The following B3GALT1 variants were observed in gnomAD, a reference collection of about 807,000 sequenced individuals.
B3GALT1 encodes the protein beta-1,3-galactosyltransferase 1.
In B3GALT1, 10 loss-of-function variants were observed where a neutral mutation model predicts 23.2. The observed-to-expected ratio is 0.43, with a 90% confidence interval of 0.27 to 0.73. The LOEUF (loss-of-function observed/expected upper bound fraction) is 0.73, where lower values mean the gene tolerates loss of function less well. B3GALT1 is among the 30% of genes least tolerant of loss of function. The pLI is 0.21. For synonymous variants in B3GALT1, 156 were observed against 141.5 expected (o/e 1.10, Z -0.73); for missense variants, 299 against 405.4 (o/e 0.74, Z 2.25).
At chr2:167,304,640 CAGAG>C (rs953111641) in intron 1 of B3GALT1, among the ~76,000 whole-genome samples, 7 of 151,106 alleles carry the variant, frequency 4.6e-5, no homozygotes, top group South Asian at 2.1e-4. Flanking sequence ...AAAAGAGAGA[CAGAG>C]AGAGGAGAGA....
chr2:167,595,344 G>GTGCTGTCTC (rs1160243395), intron 2 of B3GALT1, among the ~76,000 whole-genome samples: 1 of 152,148 alleles, frequency 6.6e-6, no homozygotes, highest in East Asian at 1.9e-4. Context: ...CCCATATCAT[G>GTGCTGTCTC]TGCTGTCTCA....
At chr2:167,477,510 T>A (rs1699504119) in intron 1 of B3GALT1, among the ~76,000 whole-genome samples, 1 of 152,208 alleles carries the variant, frequency 6.6e-6, no homozygotes, top group Non-Finnish European at 1.5e-5. Context: ...TACAGTACGA[T>A]CCTATAATAA....
At chr2:167,720,817 AG>A (rs1687219663) in intron 3 of B3GALT1, among the ~76,000 whole-genome samples, 1 of 152,154 alleles carries the variant, frequency 6.6e-6, no homozygotes, top group African/African-American at 2.4e-5. Context: ...TTGTTTACTG[AG>A]GATATTACAT....
intron 1 of B3GALT1, among the ~76,000 whole-genome samples, chr2:167,378,921 G>T (rs1220442345): frequency 6.6e-6 from 1 of 152,130 alleles, no homozygotes; most frequent in African/African-American, 2.4e-5. Context: ...ACTTGCACTG[G>T]TTCCTTTTCA....
chr2:167,843,855 A>C lies in B3GALT1; in HGVS notation c.-229-24956A>C, dbSNP rs1337200951. Among the ~76,000 whole-genome samples the C allele has an allele frequency of 1.1e-4, 17 of 152,344 alleles. No individual in the cohort carries two copies. The East Asian group carries it at 3.3e-3, about 29-fold the overall frequency. The stretch of plus-strand genomic sequence containing the variant: ...TCAGTGGCACTATGAGTATGATCTG[A>C]GGACTCCAGACAGCAGATCATTGTT... On this transcript the variant is annotated intron_variant, in intron 4 of 4. Coordinates refer to ENST00000392690, the MANE Select transcript of B3GALT1 (RefSeq NM_020981.4).
At chr2:167,649,572 T>C (rs73015471) in intron 3 of B3GALT1, among the ~76,000 whole-genome samples, 11,921 of 152,174 alleles carry the variant, frequency 0.078, 1,628 homozygotes, top group African/African-American at 0.27. Flanking sequence ...GTGTCTGGAC[T>C]CTTTTACTTA....
At chr2:167,569,986 A>C (rs1336194678) in intron 2 of B3GALT1, among the ~76,000 whole-genome samples, 1 of 151,836 alleles carries the variant, frequency 6.6e-6, no homozygotes, top group Non-Finnish European at 1.5e-5. Context: ...AGGTTTTTGA[A>C]TTTTGAACCA....
intron 2 of B3GALT1, among the ~76,000 whole-genome samples, chr2:167,505,921 G>A (rs1414715977): frequency 1.5e-4 from 23 of 151,956 alleles, no homozygotes; most frequent in East Asian, 3.9e-4. Context: ...TTAGCTGGGC[G>A]TGGTGGCGGG....
At position 167,872,777 on chromosome 2, in the gene B3GALT1, G is replaced by A. The variant is rs540116622; in HGVS notation, c.*2757G>A. The A allele has an allele frequency of 6.6e-6, 1 of 152,162 alleles. No individual in the cohort carries two copies. The highest frequency in any genetic ancestry group is 1.5e-5 in the Non-Finnish European group (1 of 68,034). 9.4% of individuals were successfully genotyped at this position (152,162 alleles called of 1,614,324 possible). A position where few individuals can be genotyped will look rare whatever the true frequency, so the allele number is the denominator to read the frequency against. On this transcript the variant is annotated 3_prime_UTR_variant, in exon 5 of 5. Coordinates refer to ENST00000392690, the MANE Select transcript of B3GALT1 (RefSeq NM_020981.4). ...CTATTTCCTTACTTTTTTATGCTAG[G>A]TAATGCCCATGTGACAAACATGTAA...
intron 1 of B3GALT1, among the ~76,000 whole-genome samples, chr2:167,372,860 G>C (rs1479500952): frequency 6.6e-6 from 1 of 152,050 alleles, no homozygotes; most frequent in Non-Finnish European, 1.5e-5. Context: ...CATGTCTGTG[G>C]ATTAGAAGAC....
At position 167,701,317 on chromosome 2, in the gene B3GALT1, G is replaced by T. The variant is rs1282567858; in HGVS notation, c.-352+54351G>T. ...CACCAGATATGGTGAGGGGGAGTGA[G>T]TTCCTGGGGAAGAGTCTTGGTGCTA... On this transcript the variant is annotated intron_variant, in intron 3 of 4. Coordinates refer to ENST00000392690, the MANE Select transcript of B3GALT1 (RefSeq NM_020981.4). Among the ~76,000 whole-genome samples, 23 of 152,044 alleles carry T rather than the reference G, an allele frequency of 1.5e-4. 1 individual carries two copies. Among genetic ancestry groups the T allele is most frequent in the Admixed American group, 1.5e-3 (23 of 15,272 alleles).
At chr2:167,694,964 C>A (rs2105504641) in intron 3 of B3GALT1, among the ~76,000 whole-genome samples, 1 of 152,228 alleles carries the variant, frequency 6.6e-6, no homozygotes, top group East Asian at 1.9e-4. Flanking sequence ...TTAAGTATTA[C>A]CCAACACCTC....
intron 1 of B3GALT1, among the ~76,000 whole-genome samples, chr2:167,486,722 T>A (rs991300968): frequency 3.3e-5 from 5 of 151,978 alleles, no homozygotes; most frequent in African/African-American, 7.2e-5. Context: ...ATTAAAAAAA[T>A]TTAAAACAAG....
chr2:167,615,452 A>G (rs1176193786), intron 2 of B3GALT1, among the ~76,000 whole-genome samples: 1 of 152,024 alleles, frequency 6.6e-6, no homozygotes, highest in Non-Finnish European at 1.5e-5. Context: ...AGTTAGGACA[A>G]GTAAGTTTAG....
intron 2 of B3GALT1, among the ~76,000 whole-genome samples, chr2:167,624,842 A>G (rs1291760159): frequency 6.6e-6 from 1 of 152,048 alleles, no homozygotes; most frequent in African/African-American, 2.4e-5. Flanking sequence ...AGCATCCAGT[A>G]TTTATAACTA....
intron 1 of B3GALT1, among the ~76,000 whole-genome samples, chr2:167,366,825 A>G (rs1481772090): frequency 6.6e-6 from 1 of 152,126 alleles, no homozygotes; most frequent in African/African-American, 2.4e-5. Context: ...GCTATCAGCT[A>G]GAAACTTCAG....
At chr2:167,331,293 A>G (rs1171941412) in intron 1 of B3GALT1, among the ~76,000 whole-genome samples, 4 of 152,144 alleles carry the variant, frequency 2.6e-5, no homozygotes, top group African/African-American at 9.7e-5. Flanking sequence ...TGATGATGCC[A>G]GTAGGTCCAA....
At chr2:167,690,420 A>T (rs1022629562) in intron 3 of B3GALT1, among the ~76,000 whole-genome samples, 9 of 152,128 alleles carry the variant, frequency 5.9e-5, no homozygotes, top group African/African-American at 2.2e-4. Flanking sequence ...TTTTAAAAAG[A>T]AAGTGAAGTA....
intron 1 of B3GALT1, among the ~76,000 whole-genome samples, chr2:167,338,480 T>TTAAA (rs10669229): frequency 0.83 from 125,947 of 151,732 alleles, 54,489 homozygotes; most frequent in Non-Finnish European, 0.96. Flanking sequence ...ATGACTGGAA[T>TTAAA]TAGACATTCA....
Sources: allele counts gnomAD v4.1 joint callset (sites outside exome capture counted in the v4.1 genomes callset), GRCh38; gene constraint gnomAD v4.1.1; transcripts MANE v1.5; gene names NCBI Gene and HGNC (gene_info 2026-07-23, HGNC 2026-07-21).